Variants in CREM observed in about 807,000 individuals in gnomAD.
The protein encoded by CREM is cAMP-responsive element modulator.
A neutral mutation model predicts 37.3 loss-of-function variants in CREM; 13 were observed. The ratio of observed to expected loss-of-function variants is 0.35; its 90% CI spans 0.23 to 0.55. CREM has a LOEUF of 0.55. Ranked by LOEUF, CREM falls within the 20% of genes least tolerant of loss-of-function variation. CREM has a pLI of 0.88. For missense variants in CREM, 296 were observed against 362.3 expected (o/e 0.82, Z 1.49); for synonymous variants, 124 against 120.2 (o/e 1.03, Z -0.21).
At chr10:35,206,513 A>G (rs570045373) in intron 6 of CREM, among the ~76,000 whole-genome samples, 1 of 152,322 alleles carries the variant, frequency 6.6e-6, no homozygotes, top group African/African-American at 2.4e-5. Flanking sequence ...AAGTATTTAC[A>G]TCGTGAGAAT....
intron 5 of CREM, among the ~76,000 whole-genome samples, chr10:35,182,846 G>C (rs1002983193): frequency 6.6e-6 from 1 of 152,188 alleles, no homozygotes; most frequent in African/African-American, 2.4e-5. Context: ...CATAACAGTT[G>C]AGCTGGTCGA....
chr10:35,160,940 T>C (rs975361931), intron 3 of CREM, among the ~76,000 whole-genome samples: 1 of 152,200 alleles, frequency 6.6e-6, no homozygotes, highest in Non-Finnish European at 1.5e-5. Context: ...GAAAGAACAC[T>C]CATGGAGCTG....
At chr10:35,175,377 T>C (rs1589922666) in intron 3 of CREM, among the ~76,000 whole-genome samples, 1 of 151,438 alleles carries the variant, frequency 6.6e-6, no homozygotes, top group South Asian at 2.1e-4. Context: ...ACCTGGGAGG[T>C]AGAGCTTGCA....
At chr10:35,209,588 TAAAG>T (rs1481032136) in intron 7 of CREM, among the ~76,000 whole-genome samples, 1 of 152,230 alleles carries the variant, frequency 6.6e-6, no homozygotes, top group Non-Finnish European at 1.5e-5. Context: ...AATAGCTTAT[TAAAG>T]AAAATGTTTA....
chr10:35,187,156 AT>A (rs1324898424), intron 5 of CREM, among the ~76,000 whole-genome samples: 1 of 60,692 alleles, frequency 1.6e-5, no homozygotes, highest in African/African-American at 5.9e-5. Context: ...AATATATATA[AT>A]ATATATTATA....
chr10:35,145,776 CAAAAAAA>C (rs370248344), intron 2 of CREM, among the ~76,000 whole-genome samples: 2 of 85,236 alleles, frequency 2.3e-5, no homozygotes, highest in Non-Finnish European at 4.1e-5. Context: ...GACTCTGCCT[CAAAAAAA>C]AAAAAAAAAA....
chr10:35,203,641 G>A (rs781737257), intron 6 of CREM, among the ~76,000 whole-genome samples: 2 of 152,150 alleles, frequency 1.3e-5, no homozygotes, highest in Non-Finnish European at 2.9e-5. Flanking sequence ...GCAGTGAGCC[G>A]AGATTGTGCC....
chr10:35,157,610 C>T (rs2092997200), intron 3 of CREM, among the ~76,000 whole-genome samples: 1 of 145,572 alleles, frequency 6.9e-6, no homozygotes, highest in Admixed American at 7.0e-5. Context: ...CACTCCAGCC[C>T]AGGTTGCAGA....
intron 3 of CREM, among the ~76,000 whole-genome samples, chr10:35,170,772 C>T (rs1564868500): frequency 6.6e-6 from 1 of 152,086 alleles, no homozygotes. Flanking sequence ...TTTATTGCAT[C>T]TATTTGATTC....
At chr10:35,144,280 C>T (rs1375182552) in intron 2 of CREM, among the ~76,000 whole-genome samples, 1 of 152,170 alleles carries the variant, frequency 6.6e-6, no homozygotes, top group Non-Finnish European at 1.5e-5. Flanking sequence ...GGTATCCTGA[C>T]TGATGTTTAG....
At chr10:35,132,029 C>G (rs536012146) in intron 1 of CREM, among the ~76,000 whole-genome samples, 2 of 152,022 alleles carry the variant, frequency 1.3e-5, no homozygotes, top group African/African-American at 4.8e-5. Flanking sequence ...GGTGAAACCC[C>G]GTCTCTACTA....
In CREM at chr10:35,206,888, A is replaced by G; in HGVS notation, c.599-7A>G. On this transcript the variant is annotated splice_region_variant and splice_polypyrimidine_tract_variant and intron_variant, in intron 6 of 7. Coordinates refer to ENST00000685392, the MANE Select transcript of CREM (RefSeq NM_183011.2). ...ATATAAGCTCAAAATATTTTGTTTT[A>G]CTGCAGCTGCCACTGGTGACATGCC... is the stretch of plus-strand genomic sequence containing the variant. 6.2e-7 allele frequency: 1 copy of G among 1,613,042 alleles called. No individual in the cohort carries two copies. The highest frequency in any genetic ancestry group is 1.1e-5 in the South Asian group (1 of 91,022).
chr10:35,206,247 CAAA>C, intron 6 of CREM, among the ~76,000 whole-genome samples: 1 of 109,284 alleles, frequency 9.2e-6, no homozygotes. Context: ...GACTCCGTCT[CAAA>C]AAAAAAAAAA....
chr10:35,146,681 T>C (rs1026371981), intron 2 of CREM, among the ~76,000 whole-genome samples: 3 of 152,184 alleles, frequency 2.0e-5, no homozygotes, highest in African/African-American at 7.2e-5. Context: ...CATTTTTCTA[T>C]GGTAGGCTCG....
intron 7 of CREM, 118 bp from the exon 8 acceptor site, chr10:35,211,136 G>A: frequency 9.5e-7 from 1 of 1,050,284 alleles, no homozygotes; most frequent in South Asian, 1.6e-5. Context: ...ATGTGGCTTT[G>A]TACAGTCCTT....
intron 5 of CREM, among the ~76,000 whole-genome samples, chr10:35,184,970 C>T (rs2094491259): frequency 6.6e-6 from 1 of 152,148 alleles, no homozygotes; most frequent in Non-Finnish European, 1.5e-5. Context: ...CCTCATTTAA[C>T]TCTCCTAGAT....
intron 3 of CREM, among the ~76,000 whole-genome samples, chr10:35,178,458 G>A (rs2094197323): frequency 6.6e-6 from 1 of 152,150 alleles, no homozygotes; most frequent in South Asian, 2.1e-4. Flanking sequence ...TCACGCCAGC[G>A]CCAGCTGTGA....
intron 3 of CREM, among the ~76,000 whole-genome samples, chr10:35,168,731 G>A (rs937220295): frequency 1.3e-5 from 2 of 152,168 alleles, no homozygotes; most frequent in African/African-American, 4.8e-5. Flanking sequence ...ATGGTTTTAG[G>A]TCTAACATTT....
chr10:35,137,183 A>T (rs1348141198), intron 1 of CREM, among the ~76,000 whole-genome samples: 2 of 151,792 alleles, frequency 1.3e-5, no homozygotes, highest in Non-Finnish European at 2.9e-5. Context: ...ATTTTTAAAG[A>T]TATTAGTAAA....
Sources: allele counts gnomAD v4.1 joint callset (sites outside exome capture counted in the v4.1 genomes callset), GRCh38; gene constraint gnomAD v4.1.1; transcripts MANE v1.5; gene names NCBI Gene and HGNC (gene_info 2026-07-23, HGNC 2026-07-21).